DGKB: variants seen among roughly 807,000 people sequenced by gnomAD.
DGKB encodes diacylglycerol kinase beta.
DGKB carries 67 observed loss-of-function variants against 114.3 expected under a neutral mutation model. That is an observed-to-expected ratio of 0.59 (90% confidence interval 0.48 to 0.72). The LOEUF is 0.72. Ranked by LOEUF, DGKB falls within the 30% of genes least tolerant of loss-of-function variation. The pLI, the probability that DGKB is intolerant of heterozygous loss-of-function variation, is 0.00. For missense variants in DGKB, 907 were observed against 975.2 expected (o/e 0.93, Z 0.93); for synonymous variants, 398 against 323.1 (o/e 1.23, Z -2.49).
At chr7:14,241,553 C>T (rs969440245) in intron 23 of DGKB, among the ~76,000 whole-genome samples, 2 of 151,842 alleles carry the variant, frequency 1.3e-5, no homozygotes, top group Non-Finnish European at 2.9e-5. Flanking sequence ...CTTATAAATA[C>T]TAAATAAAAA....
intron 21 of DGKB, among the ~76,000 whole-genome samples, chr7:14,408,386 A>G (rs1563120640): frequency 6.6e-6 from 1 of 152,072 alleles, no homozygotes; most frequent in African/African-American, 2.4e-5. Context: ...TGTTTATGTG[A>G]CCGGTATGGT....
At chr7:14,687,064 A>C (rs993021606) in intron 9 of DGKB, among the ~76,000 whole-genome samples, 12 of 152,104 alleles carry the variant, frequency 7.9e-5, no homozygotes, top group African/African-American at 2.7e-4. Context: ...TTCTTAAGTC[A>C]GGGTTTCCAA....
chr7:14,753,493 C>T (rs1199846144), intron 4 of DGKB, among the ~76,000 whole-genome samples: 5 of 151,954 alleles, frequency 3.3e-5, no homozygotes, highest in Non-Finnish European at 7.4e-5. Context: ...TATTCTATCA[C>T]AGCACTGTAG....
chr7:14,189,277 T>G lies in DGKB; in HGVS notation c.2123-11126A>C, dbSNP rs192884650. The stretch of plus-strand genomic sequence containing the variant: ...ATTAAGTGAACAAAAGTATAAATTT[T>G]AGGGGGAAGGAAAACTGTCTAGAGT... On this transcript the variant is annotated intron_variant, in intron 23 of 25. Transcript: ENST00000402815. Among the ~76,000 whole-genome samples, 421 of 152,258 alleles carry G rather than the reference T, an allele frequency of 2.8e-3. 1 individual carries two copies. The highest frequency in any genetic ancestry group is 6.8e-3 in the Middle Eastern group (2 of 294).
chr7:14,848,174 G>C (rs1376066146), intron 1 of DGKB, among the ~76,000 whole-genome samples: 3 of 152,162 alleles, frequency 2.0e-5, no homozygotes, highest in Admixed American at 6.5e-5. Context: ...TATTGTGTGA[G>C]AGCTGGTGGC....
chr7:14,619,175 A>G (rs930480558), intron 15 of DGKB, among the ~76,000 whole-genome samples: 1 of 151,382 alleles, frequency 6.6e-6, no homozygotes, highest in African/African-American at 2.4e-5. Context: ...TACTACACAT[A>G]TGGTATTTTT....
chr7:14,596,794 G>A (rs1170753263), intron 17 of DGKB, among the ~76,000 whole-genome samples: 2 of 152,086 alleles, frequency 1.3e-5, no homozygotes, highest in African/African-American at 4.8e-5. Flanking sequence ...ATGGGGGAGG[G>A]CTCTTAATTA....
chr7:14,753,543 T>C (rs931872049), intron 4 of DGKB, among the ~76,000 whole-genome samples: 5 of 152,182 alleles, frequency 3.3e-5, no homozygotes, highest in Non-Finnish European at 5.9e-5. Flanking sequence ...AGCCTTATCA[T>C]TGCATTTTAA....
intron 2 of DGKB, among the ~76,000 whole-genome samples, chr7:14,825,352 G>A (rs982708256): frequency 3.9e-5 from 6 of 152,184 alleles, no homozygotes; most frequent in Non-Finnish European, 7.4e-5. Context: ...ATTGTAATAT[G>A]TAATGAAATA....
chr7:14,492,854 T>G (rs1445864765), intron 20 of DGKB, among the ~76,000 whole-genome samples: 1 of 152,094 alleles, frequency 6.6e-6, no homozygotes, highest in Non-Finnish European at 1.5e-5. Flanking sequence ...AGGGTTAAAC[T>G]TTAATGGATT....
At chr7:14,725,312 T>A (rs933046382) in intron 5 of DGKB, among the ~76,000 whole-genome samples, 3 of 152,178 alleles carry the variant, frequency 2.0e-5, no homozygotes, top group African/African-American at 7.2e-5. Context: ...GGCTACCATA[T>A]CAGGTTGTGC....
chr7:14,355,566 G>A (rs1814291524), intron 21 of DGKB, among the ~76,000 whole-genome samples: 1 of 152,116 alleles, frequency 6.6e-6, no homozygotes, highest in Non-Finnish European at 1.5e-5. Flanking sequence ...TTCTGTTTAT[G>A]TGATGGATTA....
At chr7:14,566,999 G>C (rs972772657) in intron 20 of DGKB, among the ~76,000 whole-genome samples, 1 of 142,960 alleles carries the variant, frequency 7.0e-6, no homozygotes, top group Non-Finnish European at 1.5e-5. Context: ...TTTGTGCATT[G>C]GTTTTTTGCT....
At chr7:14,520,933 T>C (rs577050926) in intron 20 of DGKB, among the ~76,000 whole-genome samples, 12 of 152,244 alleles carry the variant, frequency 7.9e-5, no homozygotes, top group African/African-American at 2.9e-4. Flanking sequence ...ATTATGTTCA[T>C]CCAATTTCAT....
At position 14,720,473 on chromosome 7, in the gene DGKB, T is replaced by TGTGTG. The variant is rs1564008723; in HGVS notation, c.323-1789_323-1788insCACAC. Among the ~76,000 whole-genome samples the TGTGTG allele has an allele frequency of 2.9e-3, 402 of 136,556 alleles. 5 individuals carry two copies. Among genetic ancestry groups the TGTGTG allele is most frequent in the South Asian group, 6.0e-3 (25 of 4,178 alleles). 89.6% of individuals were successfully genotyped at this position (136,556 alleles called of 152,430 possible). On this transcript the variant is annotated intron_variant, in intron 5 of 25. Transcript: ENST00000402815. ...GTGCGGGACACCACGCCCGGCTGAT[T>TGTGTG]TGTGTGTGTGTGTGTGTGTGTGTGT...
At chr7:14,838,334 A>G (rs1847436204) in intron 2 of DGKB, among the ~76,000 whole-genome samples, 1 of 152,198 alleles carries the variant, frequency 6.6e-6, no homozygotes, top group South Asian at 2.1e-4. Context: ...TATCATAGCA[A>G]TAATTTATAT....
intron 23 of DGKB, chr7:14,209,605 A>C: frequency 2.2e-6 from 1 of 453,796 alleles, no homozygotes; most frequent in East Asian, 6.9e-5. Context: ...TCTGCCCCTT[A>C]AGAGGTAAGC....
At chr7:14,866,283 T>C (rs965445578) in intron 1 of DGKB, among the ~76,000 whole-genome samples, 21 of 152,118 alleles carry the variant, frequency 1.4e-4, no homozygotes, top group Admixed American at 1.3e-3. Context: ...CGAAAGTCCA[T>C]AGTTTACATT....
intron 21 of DGKB, among the ~76,000 whole-genome samples, chr7:14,412,179 A>G (rs1447882254): frequency 6.6e-6 from 1 of 152,212 alleles, no homozygotes; most frequent in Non-Finnish European, 1.5e-5. Context: ...ACCTATTCAG[A>G]AAAAATTTGC....
Sources: gnomAD v4.1 joint callset for allele counts (sites outside exome capture counted in the v4.1 genomes callset) on GRCh38, gnomAD v4.1.1 for gene constraint, MANE v1.5 for transcripts, NCBI Gene and HGNC (gene_info 2026-07-23, HGNC 2026-07-21) for gene names.